TGFBR2: variants seen among roughly 807,000 people sequenced by gnomAD.
TGFBR2 encodes transforming growth factor beta receptor 2.
Under a neutral mutation model 49.0 loss-of-function variants are expected in TGFBR2, and 18 were observed. The ratio of observed to expected loss-of-function variants is 0.37; its 90% CI spans 0.25 to 0.54. TGFBR2 has a LOEUF of 0.54. Ranked by LOEUF, TGFBR2 falls within the 20% of genes least tolerant of loss-of-function variation. The probability of loss-of-function intolerance (pLI) is 0.85; values close to 1 mark genes in which losing one functional copy is unlikely to be tolerated. For synonymous variants in TGFBR2, 282 were observed against 275.9 expected (o/e 1.02, Z -0.22); for missense variants, 525 against 722.6 (o/e 0.73, Z 3.13).
chr3:30,665,657 TACC>T (rs1005586996), intron 3 of TGFBR2, among the ~76,000 whole-genome samples: 15 of 152,274 alleles, frequency 9.9e-5, no homozygotes, highest in Admixed American at 9.2e-4. Flanking sequence ...TGGCACTAGT[TACC>T]AACTTCCTAG....
At chr3:30,663,093 C>T (rs995761557) in intron 3 of TGFBR2, among the ~76,000 whole-genome samples, 1 of 151,946 alleles carries the variant, frequency 6.6e-6, no homozygotes, top group African/African-American at 2.4e-5. Flanking sequence ...AACATGCCAA[C>T]AAAATTTTTA....
At chr3:30,652,662 C>T (rs1164640486) in intron 3 of TGFBR2, among the ~76,000 whole-genome samples, 1 of 152,146 alleles carries the variant, frequency 6.6e-6, no homozygotes, top group Admixed American at 6.5e-5. Context: ...TAAAAGAAGG[C>T]CTAGGCTAAG....
chr3:30,608,543 C>T (rs1697975941), intron 1 of TGFBR2, among the ~76,000 whole-genome samples: 1 of 152,076 alleles, frequency 6.6e-6, no homozygotes, highest in African/African-American at 2.4e-5. Flanking sequence ...TATCCAGGGA[C>T]ATGGGCAGAT....
chr3:30,650,058 A>G (rs1698849610), intron 2 of TGFBR2, among the ~76,000 whole-genome samples: 1 of 151,724 alleles, frequency 6.6e-6, no homozygotes. Flanking sequence ...TCCAAGAATA[A>G]ACAAAGGAAA....
intron 1 of TGFBR2, among the ~76,000 whole-genome samples, chr3:30,609,844 T>TC (rs1475912352): frequency 1.3e-5 from 2 of 152,322 alleles, no homozygotes; most frequent in African/African-American, 4.8e-5. Context: ...AAAACACATT[T>TC]CCACCTTTAG....
intron 1 of TGFBR2, among the ~76,000 whole-genome samples, chr3:30,641,944 TTCTC>T (rs1321751439): frequency 3.3e-5 from 5 of 151,892 alleles, no homozygotes; most frequent in Non-Finnish European, 7.4e-5. Flanking sequence ...CTTCTTCCCT[TTCTC>T]TCCCTTTCTT....
intron 2 of TGFBR2, among the ~76,000 whole-genome samples, chr3:30,646,476 A>C (rs971485524): frequency 6.6e-6 from 1 of 152,208 alleles, no homozygotes. Flanking sequence ...GGTTCTGCTG[A>C]TGAAATTGAA....
intron 3 of TGFBR2, among the ~76,000 whole-genome samples, chr3:30,665,569 C>G (rs944443977): frequency 2.6e-5 from 4 of 152,206 alleles, no homozygotes; most frequent in African/African-American, 9.6e-5. Context: ...GAGCTCCCTT[C>G]CCACTCCACA....
chr3:30,637,441 T>G (rs146180501), intron 1 of TGFBR2, among the ~76,000 whole-genome samples: 1 of 152,334 alleles, frequency 6.6e-6, no homozygotes, highest in African/African-American at 2.4e-5. Flanking sequence ...TGCTCCTCAT[T>G]GCTTCCCTTA....
chr3:30,637,613 ACT>A (rs1440148095), intron 1 of TGFBR2, among the ~76,000 whole-genome samples: 1 of 152,072 alleles, frequency 6.6e-6, no homozygotes, highest in Non-Finnish European at 1.5e-5. Context: ...AGCCCAAGTA[ACT>A]CTATACATTG....
intron 1 of TGFBR2, chr3:30,623,129 T>C: frequency 1.2e-6 from 1 of 821,146 alleles, no homozygotes. Context: ...TTCAAAACAG[T>C]TTCACTTTCC....
At position 30,691,491 on chromosome 3, in the gene TGFBR2, G is replaced by T. The variant is rs750806566; in HGVS notation, c.1596G>T (p.Gln532His). ...ACCCAGAGGCCCGTCTCACAGCCCA[G>T]TGTGTGGCAGAACGCTTCAGTGAGC... ...DHDPEARLTA[Q>H]CVAERFSELE... The change falls in exon 7 of 7, where the codon CAG (glutamine) becomes CAT (histidine). Residue 532 changes from glutamine (Q) to histidine (H), a missense_variant. Around this residue, in one of 3 missense-constraint regions of TGFBR2, gnomAD observed 104 missense variants for 133.4 expected, o/e 0.78. Transcript: ENST00000295754. The T allele has an allele frequency of 1.2e-6, 2 of 1,614,124 alleles. No individual in the cohort carries two copies.
At chr3:30,651,302 A>G (rs1483553539) in intron 3 of TGFBR2, among the ~76,000 whole-genome samples, 2 of 152,108 alleles carry the variant, frequency 1.3e-5, no homozygotes, top group East Asian at 1.9e-4. Context: ...TGTATTGACA[A>G]TGTATTAGAT....
At chr3:30,608,649 A>G (rs1046023847) in intron 1 of TGFBR2, among the ~76,000 whole-genome samples, 1 of 152,226 alleles carries the variant, frequency 6.6e-6, no homozygotes, top group African/African-American at 2.4e-5. Flanking sequence ...AAATTATGGC[A>G]TACATTGAAG....
At chr3:30,632,878 C>T (rs1326413254) in intron 1 of TGFBR2, among the ~76,000 whole-genome samples, 1 of 152,180 alleles carries the variant, frequency 6.6e-6, no homozygotes, top group Non-Finnish European at 1.5e-5. Context: ...CAAGTTTTTA[C>T]CTTAAAACTC....
intron 5 of TGFBR2, among the ~76,000 whole-genome samples, chr3:30,683,550 A>G (rs1399051201): frequency 3.3e-5 from 5 of 152,146 alleles, no homozygotes; most frequent in South Asian, 2.1e-4. Context: ...TCACTATTCC[A>G]CCTAAGCCAC....
At chr3:30,669,113 T>C (rs1249785018) in intron 3 of TGFBR2, among the ~76,000 whole-genome samples, 1 of 28,108 alleles carries the variant, frequency 3.6e-5, no homozygotes, top group Admixed American at 6.4e-4. Context: ...CCGTCTCCAC[T>C]AAAAATACAA....
At chr3:30,685,188 G>A (rs951338805) in intron 5 of TGFBR2, among the ~76,000 whole-genome samples, 2 of 152,154 alleles carry the variant, frequency 1.3e-5, no homozygotes, top group Non-Finnish European at 2.9e-5. Flanking sequence ...ATGCTTGGTA[G>A]AAAGGAAAAA....
chr3:30,620,693 A>G (rs1431438562), intron 1 of TGFBR2, among the ~76,000 whole-genome samples: 1 of 152,136 alleles, frequency 6.6e-6, no homozygotes, highest in Non-Finnish European at 1.5e-5. Flanking sequence ...AGACCAGGCA[A>G]AGTCATAAAG....
Sources: allele counts gnomAD v4.1 joint callset (sites outside exome capture counted in the v4.1 genomes callset), GRCh38; gene constraint gnomAD v4.1.1; regional missense constraint gnomAD v4.1.1; transcripts MANE v1.5; gene names NCBI Gene and HGNC (gene_info 2026-07-23, HGNC 2026-07-21).